Variants in PTPRK observed in about 807,000 individuals in gnomAD.
The protein encoded by PTPRK is receptor-type tyrosine-protein phosphatase kappa.
PTPRK carries 75 observed loss-of-function variants against 178.0 expected under a neutral mutation model. That is an observed-to-expected ratio of 0.42 (90% CI 0.35 to 0.51). The LOEUF (loss-of-function observed/expected upper bound fraction) is 0.51. Ranked by LOEUF, PTPRK falls within the 20% of genes least tolerant of loss-of-function variation. The pLI, the probability that PTPRK is intolerant of heterozygous loss-of-function variation, is 0.02. For synonymous variants in PTPRK, 637 were observed against 620.6 expected, an observed-to-expected ratio of 1.03 and a Z score of -0.39; for missense variants, 1,441 against 1,797.8, an observed-to-expected ratio of 0.80 and a Z score of 3.59.
At chr6:128,163,571 G>C (rs1034197844) in intron 7 of PTPRK, among the ~76,000 whole-genome samples, 4 of 151,404 alleles carry the variant, frequency 2.6e-5, no homozygotes, top group African/African-American at 9.7e-5. Flanking sequence ...TTACTTCTTA[G>C]AGCTAGGGTT....
intron 24 of PTPRK, among the ~76,000 whole-genome samples, chr6:127,981,720 C>T (rs972945892): frequency 2.6e-5 from 4 of 152,204 alleles, no homozygotes; most frequent in Admixed American, 6.5e-5. Flanking sequence ...AATTTGGTCT[C>T]TGCCCTTGAT....
chr6:128,004,919 G>A (rs1583603350), intron 15 of PTPRK, 165 bp downstream of exon 15: 1 of 615,848 alleles, frequency 1.6e-6, no homozygotes, highest in Admixed American at 3.1e-5. Context: ...ATCTTGATGA[G>A]AATCCTTCTT....
intron 3 of PTPRK, among the ~76,000 whole-genome samples, chr6:128,288,004 A>T (rs1822786827): frequency 6.6e-6 from 1 of 152,030 alleles, no homozygotes; most frequent in South Asian, 2.1e-4. Context: ...TCTCCAACTA[A>T]CTTGTCTTCC....
intron 25 of PTPRK, among the ~76,000 whole-genome samples, chr6:127,979,683 T>C (rs926929820): frequency 6.6e-6 from 1 of 152,150 alleles, no homozygotes; most frequent in Non-Finnish European, 1.5e-5. Context: ...GTAAAGTAAC[T>C]GGTGAAGACT....
At chr6:128,465,459 G>C (rs1296485144) in intron 1 of PTPRK, among the ~76,000 whole-genome samples, 3 of 151,906 alleles carry the variant, frequency 2.0e-5, no homozygotes, top group Non-Finnish European at 4.4e-5. Context: ...AGGGTTCTAA[G>C]TACAACCAAA....
At chr6:128,469,823 G>C (rs1850373345) in intron 1 of PTPRK, among the ~76,000 whole-genome samples, 1 of 152,066 alleles carries the variant, frequency 6.6e-6, no homozygotes, top group South Asian at 2.1e-4. Context: ...AAAGAAAAGA[G>C]ATGACAGTGT....
chr6:128,095,062 G>T (rs1314095030), intron 7 of PTPRK, among the ~76,000 whole-genome samples: 1 of 151,562 alleles, frequency 6.6e-6, no homozygotes, highest in African/African-American at 2.4e-5. Context: ...AAAGAGAATT[G>T]CATAAAATCT....
chr6:128,407,116 T>TA (rs1491128846), intron 1 of PTPRK, among the ~76,000 whole-genome samples: 4 of 152,218 alleles, frequency 2.6e-5, no homozygotes, highest in Non-Finnish European at 5.9e-5. Flanking sequence ...CACAATATCC[T>TA]ATGATATTAG....
chr6:128,469,703 G>C (rs956126816), intron 1 of PTPRK, among the ~76,000 whole-genome samples: 3 of 152,138 alleles, frequency 2.0e-5, no homozygotes, highest in Non-Finnish European at 4.4e-5. Flanking sequence ...CCGGCAAAGA[G>C]GAATTAAGGT....
intron 1 of PTPRK, among the ~76,000 whole-genome samples, chr6:128,465,277 T>C (rs1057091749): frequency 9.9e-5 from 15 of 152,184 alleles, no homozygotes; most frequent in African/African-American, 3.4e-4. Context: ...GTTGCTTTTT[T>C]TTCAACAATT....
At chr6:128,125,899 T>G (rs1056258615) in intron 7 of PTPRK, among the ~76,000 whole-genome samples, 5 of 152,086 alleles carry the variant, frequency 3.3e-5, no homozygotes, top group Admixed American at 6.5e-5. Context: ...TGAGCCACTG[T>G]GCCCAGTCGC....
intron 2 of PTPRK, among the ~76,000 whole-genome samples, chr6:128,346,885 C>A (rs1832502199): frequency 1.3e-5 from 2 of 152,068 alleles, no homozygotes; most frequent in African/African-American, 2.4e-5. Flanking sequence ...TGCTTGCTAT[C>A]CCTATAAAAA....
intron 13 of PTPRK, among the ~76,000 whole-genome samples, chr6:128,025,466 C>T (rs932516491): frequency 6.6e-6 from 1 of 152,124 alleles, no homozygotes; most frequent in Non-Finnish European, 1.5e-5. Flanking sequence ...TTCTATCTAG[C>T]TCAAATAAGA....
chr6:128,008,266 T>C (rs1026553574), intron 14 of PTPRK, among the ~76,000 whole-genome samples: 15 of 151,176 alleles, frequency 9.9e-5, no homozygotes, highest in African/African-American at 3.4e-4. Context: ...TATTTTTCAA[T>C]AGAATTCACT....
At chr6:128,273,198 C>T (rs891718027) in intron 3 of PTPRK, among the ~76,000 whole-genome samples, 6 of 151,792 alleles carry the variant, frequency 4.0e-5, no homozygotes, top group African/African-American at 7.3e-5. Flanking sequence ...ACACTGGGGC[C>T]TGTCCTGTCG....
intron 2 of PTPRK, among the ~76,000 whole-genome samples, chr6:128,396,439 T>C (rs1224372357): frequency 1.3e-5 from 2 of 151,460 alleles, no homozygotes; most frequent in African/African-American, 4.8e-5. Context: ...TCATGTTGTA[T>C]TTTTAAATTC....
chr6:128,390,368 A>T (rs1333867460), intron 2 of PTPRK, among the ~76,000 whole-genome samples: 1 of 152,162 alleles, frequency 6.6e-6, no homozygotes, highest in Non-Finnish European at 1.5e-5. Flanking sequence ...CCAAGGGATG[A>T]GAATATCATA....
chr6:128,411,083 G>A (rs1295899568), intron 1 of PTPRK, among the ~76,000 whole-genome samples: 1 of 152,104 alleles, frequency 6.6e-6, no homozygotes, highest in East Asian at 1.9e-4. Flanking sequence ...TGTAGAGACA[G>A]GGTGCTGCCA....
intron 3 of PTPRK, among the ~76,000 whole-genome samples, chr6:128,246,861 T>C (rs1205986094): frequency 6.6e-6 from 1 of 152,200 alleles, no homozygotes; most frequent in Non-Finnish European, 1.5e-5. Context: ...ATGATTCTAA[T>C]CAAATTTTTG....
Sources: gnomAD v4.1 joint callset for allele counts (sites outside exome capture counted in the v4.1 genomes callset) on GRCh38, gnomAD v4.1.1 for gene constraint, MANE v1.5 for transcripts, NCBI Gene and HGNC (gene_info 2026-07-23, HGNC 2026-07-21) for gene names.